LIPH: variants seen among roughly 807,000 people sequenced by gnomAD.
LIPH encodes lipase H.
LIPH carries 32 observed loss-of-function variants against 47.6 expected under a neutral mutation model. The ratio of observed to expected loss-of-function variants is 0.67; its 90% CI spans 0.51 to 0.90. The LOEUF is 0.90. Among genes scored for constraint, LIPH ranks in the 40% least tolerant of loss-of-function variants. The probability of loss-of-function intolerance (pLI) is 0.00; values close to 1 mark genes in which losing one functional copy is unlikely to be tolerated. For synonymous variants in LIPH, 190 were observed against 195.6 expected (o/e 0.97, Z 0.24); for missense variants, 497 against 541.4 (o/e 0.92, Z 0.81).
At chr3:185,527,705 C>T (rs1285138544) in intron 3 of LIPH, 120 bp from the exon 4 acceptor site, 7 of 707,522 alleles carry the variant, frequency 9.9e-6, no homozygotes, top group African/African-American at 3.7e-5. Flanking sequence ...TGGGTGAGCG[C>T]TCACACTCCC....
chr3:185,528,411 C>T (rs1720196880), intron 3 of LIPH, among the ~76,000 whole-genome samples: 1 of 151,700 alleles, frequency 6.6e-6, no homozygotes, highest in Non-Finnish European at 1.5e-5. Flanking sequence ...TCACTCAGCC[C>T]TTCCTTTTTG....
chr3:185,528,991 G>A (rs1367616085), intron 3 of LIPH, among the ~76,000 whole-genome samples: 3 of 132,160 alleles, frequency 2.3e-5, no homozygotes, highest in Admixed American at 1.6e-4. Flanking sequence ...GTGAAACCCC[G>A]TATCTATTAA....
At chr3:185,523,020 A>T (rs1719956457) in intron 5 of LIPH, among the ~76,000 whole-genome samples, 2 of 152,180 alleles carry the variant, frequency 1.3e-5, no homozygotes, top group Admixed American at 6.5e-5. Flanking sequence ...ACTCTCTGAA[A>T]ATGTGACTTT....
At position 185,534,814 on chromosome 3, in the gene LIPH, T is replaced by C. The variant is rs759795423; in HGVS notation, c.368A>G (p.Lys123Arg). The C allele has an allele frequency of 7.4e-6, 12 of 1,613,710 alleles. No individual in the cohort carries two copies. Among genetic ancestry groups the C allele is most frequent in the Non-Finnish European group, 9.3e-6 (11 of 1,179,684 alleles). The change falls in exon 2 of 10, where the codon AAG becomes AGG. Residue 123 changes from lysine (K) to arginine (R), a missense_variant. By Grantham distance (26) the Lys-to-Arg change is conservative. Coordinates refer to ENST00000296252, the MANE Select transcript of LIPH (RefSeq NM_139248.3). ...TTLIYTHASS[K>R]TRKVAMVLKE... ...CAAGACCATGGCTACTTTTCTGGTC[T>C]TACTAGAGGCATGGGTATATATTAA...
In LIPH at chr3:185,517,165, A is replaced by C. The variant is rs1364041005; in HGVS notation, c.887-3T>G. The C allele has an allele frequency of 6.6e-7, 1 of 1,521,404 alleles. No homozygotes were observed. The highest frequency in any genetic ancestry group is 1.7e-5 in the Admixed American group (1 of 59,892). 94.2% of individuals were successfully genotyped at this position (1,521,404 alleles called of 1,614,324 possible). ...TTTCCAATTATCAGCATAATAGCCT[A>C]TGAAACAAGTTTAAAAAATTGTAAG... On this transcript the variant is annotated splice_polypyrimidine_tract_variant and splice_region_variant and intron_variant, in intron 6 of 9. Transcript: ENST00000296252.
chr3:185,510,300 T>A (rs1376493422), intron 9 of LIPH, among the ~76,000 whole-genome samples: 1 of 152,194 alleles, frequency 6.6e-6, no homozygotes, highest in Non-Finnish European at 1.5e-5. Flanking sequence ...CTCACATCAT[T>A]TCCTGTCTCC....
chr3:185,525,618 T>TA (rs1720046682), intron 4 of LIPH, among the ~76,000 whole-genome samples: 2 of 151,670 alleles, frequency 1.3e-5, no homozygotes, highest in African/African-American at 4.8e-5. Flanking sequence ...TCTCTATCAG[T>TA]GAAAAAAAAG....
intron 1 of LIPH, among the ~76,000 whole-genome samples, chr3:185,542,946 G>A (rs779104980): frequency 6.6e-6 from 1 of 152,052 alleles, no homozygotes; most frequent in Non-Finnish European, 1.5e-5. Context: ...GGTGTCTCAC[G>A]CCTGTAATAC....
intron 3 of LIPH, among the ~76,000 whole-genome samples, chr3:185,530,239 G>T (rs1270896122): frequency 6.6e-6 from 1 of 152,072 alleles, no homozygotes; most frequent in South Asian, 2.1e-4. Flanking sequence ...AGAACTTTGG[G>T]AGGCTGAGGT....
intron 5 of LIPH, among the ~76,000 whole-genome samples, chr3:185,523,260 T>C (rs952821503): frequency 7.9e-5 from 12 of 152,228 alleles, no homozygotes; most frequent in African/African-American, 2.9e-4. Flanking sequence ...TCATAATAGC[T>C]TTCAAACATG....
chr3:185,526,443 C>G (rs754944453), intron 4 of LIPH, among the ~76,000 whole-genome samples: 1 of 151,450 alleles, frequency 6.6e-6, no homozygotes, highest in Non-Finnish European at 1.5e-5. Context: ...ATTGCTTGAA[C>G]CCAGGAGGCA....
intron 9 of LIPH, among the ~76,000 whole-genome samples, chr3:185,509,313 G>GT (rs1204339796): frequency 6.7e-6 from 1 of 150,298 alleles, no homozygotes; most frequent in African/African-American, 2.5e-5. Context: ...AATGCTTATG[G>GT]TAAGTAAAAC....
chr3:185,546,147 C>G (rs914896195), intron 1 of LIPH, among the ~76,000 whole-genome samples: 1 of 150,902 alleles, frequency 6.6e-6, no homozygotes, highest in African/African-American at 2.4e-5. Flanking sequence ...GGCTGGGTGA[C>G]AGAGTGAGAC....
intron 1 of LIPH, among the ~76,000 whole-genome samples, chr3:185,536,219 C>T (rs1720498987): frequency 6.6e-6 from 1 of 152,144 alleles, no homozygotes; most frequent in African/African-American, 2.4e-5. Context: ...TCACAGTGCC[C>T]AGCACATGGT....
intron 1 of LIPH, among the ~76,000 whole-genome samples, chr3:185,539,685 T>A (rs1322554267): frequency 6.6e-6 from 1 of 152,212 alleles, no homozygotes; most frequent in East Asian, 1.9e-4. Flanking sequence ...TTTACGGATC[T>A]TATATATAGG....
intron 6 of LIPH, among the ~76,000 whole-genome samples, chr3:185,517,947 C>A (rs940137467): frequency 6.6e-6 from 1 of 152,184 alleles, no homozygotes; most frequent in Non-Finnish European, 1.5e-5. Flanking sequence ...TCCACAATAT[C>A]TATTACCTCA....
intron 3 of LIPH, among the ~76,000 whole-genome samples, chr3:185,530,012 G>A (rs1022137009): frequency 6.6e-6 from 1 of 152,110 alleles, no homozygotes; most frequent in Admixed American, 6.5e-5. Flanking sequence ...TGCCTGGCGC[G>A]GTGGCATGCG....
chr3:185,509,856 A>T (rs1719501456), intron 9 of LIPH, among the ~76,000 whole-genome samples: 1 of 152,160 alleles, frequency 6.6e-6, no homozygotes, highest in Non-Finnish European at 1.5e-5. Context: ...AAAAAGTATT[A>T]AAAAGTTTTA....
chr3:185,546,473 G>A (rs1720877270), intron 1 of LIPH, among the ~76,000 whole-genome samples: 2 of 152,070 alleles, frequency 1.3e-5, no homozygotes, highest in African/African-American at 2.4e-5. Flanking sequence ...GCCTGCCTGG[G>A]CAATATGGCA....
Sources: gnomAD v4.1 joint callset for allele counts (sites outside exome capture counted in the v4.1 genomes callset) on GRCh38, gnomAD v4.1.1 for gene constraint, MANE v1.5 for transcripts, NCBI Gene and HGNC (gene_info 2026-07-23, HGNC 2026-07-21) for gene names.